The following LASP1 variants were observed in gnomAD, a reference collection of about 807,000 sequenced individuals.
LASP1 encodes LIM and SH3 domain protein 1.
A neutral mutation model predicts 38.6 loss-of-function variants in LASP1; 10 were observed. The observed-to-expected ratio is 0.26, with a 90% CI of 0.16 to 0.44. The LOEUF (loss-of-function observed/expected upper bound fraction) is 0.44. Ranked by LOEUF, LASP1 falls within the 20% of genes least tolerant of loss-of-function variation. The probability of loss-of-function intolerance (pLI) is 1.00; values close to 1 mark genes in which losing one functional copy is unlikely to be tolerated. For missense variants in LASP1, 243 were observed against 375.7 expected (o/e 0.65, Z 2.92); for synonymous variants, 132 against 140.8 (o/e 0.94, Z 0.44).
At chr17:38,897,313 C>T (rs539986975) in intron 3 of LASP1, among the ~76,000 whole-genome samples, 2 of 152,360 alleles carry the variant, frequency 1.3e-5, no homozygotes, top group South Asian at 4.1e-4. Context: ...CGCTCCAGTC[C>T]AAGCACAGCT....
chr17:38,898,923 T>A, intron 4 of LASP1: 1 of 365,814 alleles, frequency 2.7e-6, no homozygotes, highest in East Asian at 7.3e-5. Flanking sequence ...TTGCAGTCAT[T>A]TCCGCCCTTC....
chr17:38,915,989 A>T (rs1180295606), intron 6 of LASP1: 1 of 152,226 alleles, frequency 6.6e-6, no homozygotes, highest in Admixed American at 6.5e-5. Context: ...AAACAAAGGG[A>T]TGTTAGGACT....
intron 4 of LASP1, among the ~76,000 whole-genome samples, chr17:38,908,953 C>T (rs139483075): frequency 0.013 from 1,976 of 152,306 alleles, 30 homozygotes; most frequent in Middle Eastern, 0.041. Flanking sequence ...GGGGCAGGGG[C>T]GTTCCAGGAA....
Position 38,920,418 on chromosome 17 carries a change from T to A in LASP1, c.*1640T>A, listed in dbSNP as rs73985042. 3.9e-3 allele frequency: 1,180 copies of A among 299,570 alleles called. 12 individuals carry two copies. The highest frequency in any genetic ancestry group is 0.023 in the African/African-American group (1,103 of 48,740). The allele number at this position is 299,570 out of a possible 1,614,324, so 18.6% of individuals were successfully genotyped here. On this transcript the variant is annotated 3_prime_UTR_variant, in exon 7 of 7. Coordinates refer to ENST00000318008, the MANE Select transcript of LASP1 (RefSeq NM_006148.4). Reference sequence around the variant, plus strand: ...AGACGGTGCTATATCCAGTTCCTGCTCTCTGCTCATGGGTGGCTGTGACAA... The same window carrying A: ...AGACGGTGCTATATCCAGTTCCTGCACTCTGCTCATGGGTGGCTGTGACAA...
chr17:38,876,523 G>A (rs146638418), intron 1 of LASP1, among the ~76,000 whole-genome samples: 7,643 of 151,728 alleles, frequency 0.05, 502 homozygotes, highest in South Asian at 0.23. Flanking sequence ...CACTGCACCC[G>A]GCTAATTTTT....
chr17:38,909,572 A>G (rs997333332), intron 4 of LASP1, among the ~76,000 whole-genome samples: 1 of 151,346 alleles, frequency 6.6e-6, no homozygotes, highest in Non-Finnish European at 1.5e-5. Flanking sequence ...GTGTCACTGC[A>G]CTCCAGCCTG....
chr17:38,887,215 C>CCCA (rs1171045493), intron 2 of LASP1, among the ~76,000 whole-genome samples: 1 of 152,128 alleles, frequency 6.6e-6, no homozygotes, highest in Non-Finnish European at 1.5e-5. Context: ...TCTCCTCTCC[C>CCCA]CCACCCTGCT....
At chr17:38,889,539 T>C (rs1914244099) in intron 2 of LASP1, among the ~76,000 whole-genome samples, 2 of 152,080 alleles carry the variant, frequency 1.3e-5, no homozygotes, top group African/African-American at 4.8e-5. Context: ...CAAGGGAAAA[T>C]TCCACACCTG....
At chr17:38,897,062 C>G (rs1598113398) in intron 3 of LASP1, 1 of 985,426 alleles carries the variant, frequency 1.0e-6, no homozygotes, top group African/African-American at 1.7e-5. Context: ...TGAGGAAGAG[C>G]TGGTGCTAGG....
At chr17:38,909,617 A>G (rs1006234072) in intron 4 of LASP1, among the ~76,000 whole-genome samples, 29 of 151,998 alleles carry the variant, frequency 1.9e-4, no homozygotes, top group African/African-American at 5.1e-4. Flanking sequence ...AAAAAAAAAA[A>G]AGAAAGAAAA....
chr17:38,904,865 A>C (rs1446299106), intron 4 of LASP1, among the ~76,000 whole-genome samples: 2 of 152,204 alleles, frequency 1.3e-5, no homozygotes, highest in Non-Finnish European at 2.9e-5. Flanking sequence ...CCAGAGTAAA[A>C]TACTCTGAAG....
rs781700787 is a variant in LASP1, at chr17:38,921,118, C to G, written c.*2340C>G. 40 of 229,668 alleles carry G rather than the reference C, an allele frequency of 1.7e-4. No individual in the cohort carries two copies. Among genetic ancestry groups the G allele is most frequent in the Non-Finnish European group, 2.6e-4 (30 of 115,872 alleles). The allele number at this position is 229,668 out of a possible 1,614,324, so 14.2% of individuals were successfully genotyped here. A position where few individuals can be genotyped will look rare whatever the true frequency, so the allele number is the denominator to read the frequency against. ...GGACTGTCACACTGGTGCTGAGTGA[C>G]CGGGGGCTGCTGGGCGTCTGTTCTT... is the stretch of plus-strand genomic sequence containing the variant. On this transcript the variant is annotated 3_prime_UTR_variant, in exon 7 of 7. Coordinates refer to ENST00000318008, the MANE Select transcript of LASP1 (RefSeq NM_006148.4).
chr17:38,897,096 G>T, intron 3 of LASP1: 1 of 985,314 alleles, frequency 1.0e-6, no homozygotes, highest in Non-Finnish European at 1.2e-6. Context: ...CTTGGGGTGG[G>T]TTGGTGCCTC....
Position 38,919,639 on chromosome 17 carries a change from C to T in LASP1, c.*861C>T, listed in dbSNP as rs1236461374. On this transcript the variant is annotated 3_prime_UTR_variant, in exon 7 of 7. Transcript: ENST00000318008. ...GGTCCCGAAGTGTAGGGCAAGGGTG[C>T]CTCAGGACCTTTTGGTCTTCAGCCT... The T allele has an allele frequency of 2.2e-5, 7 of 320,076 alleles. No individual in the cohort carries two copies. Among genetic ancestry groups the T allele is most frequent in the Non-Finnish European group, 4.2e-5 (7 of 166,318 alleles). The allele number at this position is 320,076 out of a possible 1,614,324, so 19.8% of individuals were successfully genotyped here. A position where few individuals can be genotyped will look rare whatever the true frequency, so the allele number is the denominator to read the frequency against.
In LASP1 at chr17:38,918,870, T is replaced by C; in HGVS notation, c.*92T>C. On this transcript the variant is annotated 3_prime_UTR_variant, in exon 7 of 7. Transcript: ENST00000318008. This position sits in a 1 kb window ranked among gnomAD's most constrained non-coding sequence, Gnocchi z 4.4. ...TCCATTCTTCAGTGTCTCTGTTTTTTAAAACCTGCGACAGCTTGTGATTCC... is the reference window on the plus strand; with the variant it reads ...TCCATTCTTCAGTGTCTCTGTTTTTCAAAACCTGCGACAGCTTGTGATTCC... 1.4e-6 allele frequency: 2 copies of C among 1,405,294 alleles called. No homozygotes were observed. Among genetic ancestry groups the C allele is most frequent in the Non-Finnish European group, 1.9e-6 (2 of 1,025,940 alleles). 87.1% of individuals were successfully genotyped at this position (1,405,294 alleles called of 1,614,324 possible).
At chr17:38,900,197 CAAAAAAAAAAA>C (rs56008544) in intron 4 of LASP1, among the ~76,000 whole-genome samples, 17 of 67,584 alleles carry the variant, frequency 2.5e-4, no homozygotes, top group East Asian at 9.3e-4. Context: ...ACTGTTTCTA[CAAAAAAAAAAA>C]AAAAAAAAAA....
rs542746809 is a variant in LASP1, at chr17:38,899,420, C to T, written c.357+901C>T. ...AGATTGCCGGGGGAGCCTGGCTTTC[C>T]GGTGGTCTCAGCACCCACTCCCTGG... On this transcript the variant is annotated intron_variant, in intron 4 of 6. Transcript: ENST00000318008. 2.0e-4 allele frequency among the ~76,000 whole-genome samples: 31 copies of T among 152,250 alleles called. No homozygotes were observed. In the South Asian group the frequency reaches 4.1e-3, roughly 20 times the overall value.
At chr17:38,894,886 C>T (rs1425690122) in intron 3 of LASP1, among the ~76,000 whole-genome samples, 1 of 152,066 alleles carries the variant, frequency 6.6e-6, no homozygotes, top group South Asian at 2.1e-4. Context: ...TACAGGCGTG[C>T]ATCACCATGC....
chr17:38,911,944 T>C (rs974667045), intron 4 of LASP1, among the ~76,000 whole-genome samples: 3 of 152,124 alleles, frequency 2.0e-5, no homozygotes, highest in Non-Finnish European at 4.4e-5. Flanking sequence ...TAGGCGCCCG[T>C]CACCACACCC....
Sources: gnomAD v4.1 joint callset for allele counts (sites outside exome capture counted in the v4.1 genomes callset) on GRCh38, gnomAD v4.1.1 for gene constraint, Gnocchi (gnomAD v3.1) non-coding constraint, MANE v1.5 for transcripts, NCBI Gene and HGNC (gene_info 2026-07-23, HGNC 2026-07-21) for gene names.